The following ARPP21 variants were observed in gnomAD, a reference collection of about 807,000 sequenced individuals.
The protein encoded by ARPP21 is cAMP-regulated phosphoprotein 21.
ARPP21 carries 69 observed loss-of-function variants against 113.2 expected under a neutral mutation model. The ratio of observed to expected loss-of-function variants is 0.61; its 90% CI spans 0.50 to 0.74. The LOEUF (loss-of-function observed/expected upper bound fraction) is 0.74, where lower values mean the gene tolerates loss of function less well. Ranked by LOEUF, ARPP21 falls within the 30% of genes least tolerant of loss-of-function variation. ARPP21 has a pLI of 0.00. For synonymous variants in ARPP21, 368 were observed against 375.5 expected (o/e 0.98, Z 0.23); for missense variants, 1,070 against 1,037.4 (o/e 1.03, Z -0.43).
intron 14 of ARPP21, among the ~76,000 whole-genome samples, chr3:35,725,445 G>T (rs1459600437): frequency 6.6e-6 from 1 of 152,158 alleles, no homozygotes; most frequent in Non-Finnish European, 1.5e-5. Context: ...CCTTACCATT[G>T]CTCACCATTT....
rs10706706 is a variant in ARPP21 at position 35,753,965 on chromosome 3, GTTT to G, written c.2137+10015_2137+10017del. Among the ~76,000 whole-genome samples, 320 of 132,062 alleles carry G rather than the reference GTTT, an allele frequency of 2.4e-3. 1 individual carries two copies. Among genetic ancestry groups the G allele is most frequent in the African/African-American group, 8.6e-3 (307 of 35,812 alleles). 86.6% of individuals were successfully genotyped at this position (132,062 alleles called of 152,430 possible). A position where few individuals can be genotyped will look rare whatever the true frequency, so the allele number is the denominator to read the frequency against. On this transcript the variant is annotated intron_variant, in intron 19 of 20. Transcript: ENST00000684406. ...TGTAATTGTCAATGTAATTGAGAAGGTTTTTTTTTTTTTTTTTCAAATATCGCT... is the reference window on the plus strand; with the variant it reads ...TGTAATTGTCAATGTAATTGAGAAGGTTTTTTTTTTTTTTCAAATATCGCT...
At chr3:35,672,076 T>G (rs1304577243) in intron 1 of ARPP21, among the ~76,000 whole-genome samples, 2 of 152,096 alleles carry the variant, frequency 1.3e-5, no homozygotes, top group African/African-American at 4.8e-5. Flanking sequence ...CAAGAAGACA[T>G]TGAGAAAACC....
At position 35,785,509 on chromosome 3, in the gene ARPP21, T is replaced by TAAAG. The variant is rs5847899; in HGVS notation, c.2138-6845_2138-6842dup. On this transcript the variant is annotated intron_variant, in intron 19 of 20. Transcript: ENST00000684406. ...AATGTGTCTCATGTTTGCCCTGATT[T>TAAAG]AAAGAAAGAAAGAAAGAAAGAAAGA... 9.4e-3 allele frequency among the ~76,000 whole-genome samples: 1,419 copies of TAAAG among 150,448 alleles called. 7 individuals are homozygous for TAAAG. The highest frequency in any genetic ancestry group is 0.017 in the Middle Eastern group (5 of 290).
chr3:35,763,627 C>G (rs2095855979), intron 19 of ARPP21, among the ~76,000 whole-genome samples: 1 of 152,082 alleles, frequency 6.6e-6, no homozygotes, highest in Non-Finnish European at 1.5e-5. Context: ...CCTTTAGCGG[C>G]TATTGTAAAA....
rs2081082998 is a variant in ARPP21, at chr3:35,687,925, C to T, written c.406+42C>T. On this transcript the variant is annotated intron_variant, in intron 6 of 20. Transcript: ENST00000684406. ...TTCCTTAACTTACTCAATTTGGGCA[C>T]ACACATAGTCACAGAACACATTCTA... 2.0e-6 allele frequency: 3 copies of T among 1,535,898 alleles called. No individual in the cohort carries two copies. The African/African-American group carries it at 4.2e-5, about 22-fold the overall frequency.
Position 35,687,435 on chromosome 3 carries a change from T to C in ARPP21, c.262-304T>C, listed in dbSNP as rs2080958743. On this transcript the variant is annotated intron_variant, in intron 5 of 20. Transcript: ENST00000684406. ...CTGATAAAGAAATTTTTTCTAGATG[T>C]TTAAAAATAAACCTGTAGAAAAAAA... Among the ~76,000 whole-genome samples the C allele has an allele frequency of 2.0e-5, 3 of 151,304 alleles. No homozygotes were observed. In the South Asian group the frequency reaches 6.2e-4, roughly 31 times the overall value.
rs953565094 is a variant in ARPP21, at chr3:35,640,099, G to C, written c.-512G>C. 1 of 152,196 alleles carries C rather than the reference G, an allele frequency of 6.6e-6. No homozygotes were observed. The highest frequency in any genetic ancestry group is 1.5e-5 in the Non-Finnish European group (1 of 68,138). 9.4% of individuals were successfully genotyped at this position (152,196 alleles called of 1,614,324 possible). A position where few individuals can be genotyped will look rare whatever the true frequency, so the allele number is the denominator to read the frequency against. On this transcript the variant is annotated 5_prime_UTR_variant, in exon 1 of 21. Coordinates refer to ENST00000684406, the MANE Select transcript of ARPP21 (RefSeq NM_001385562.1). The stretch of plus-strand genomic sequence containing the variant: ...CCGGAGCAGAGACCAGCAGCAGCAG[G>C]GGCAGCGGGGACACAAGCCGCGACC...
chr3:35,713,775 G>A (rs2150134605), intron 11 of ARPP21, among the ~76,000 whole-genome samples: 1 of 152,254 alleles, frequency 6.6e-6, no homozygotes, highest in African/African-American at 2.4e-5. Flanking sequence ...AATGCTATTA[G>A]ATTGAGTCTA....
intron 19 of ARPP21, among the ~76,000 whole-genome samples, chr3:35,761,056 T>C (rs368847005): frequency 5.9e-5 from 9 of 152,124 alleles, no homozygotes; most frequent in African/African-American, 2.2e-4. Context: ...AATATGCCAT[T>C]AATATTTAAG....
chr3:35,762,688 A>G (rs1240916496), intron 19 of ARPP21, among the ~76,000 whole-genome samples: 1 of 152,160 alleles, frequency 6.6e-6, no homozygotes, highest in Non-Finnish European at 1.5e-5. Flanking sequence ...CCCTAAAATA[A>G]CACTAAGTAT....
At chr3:35,728,813 C>T (rs2093739340) in intron 14 of ARPP21, among the ~76,000 whole-genome samples, 1 of 152,170 alleles carries the variant, frequency 6.6e-6, no homozygotes, top group Admixed American at 6.5e-5. Flanking sequence ...CAGACTTCAG[C>T]TGTATAGGTG....
chr3:35,774,160 T>C (rs2096284911), intron 19 of ARPP21, among the ~76,000 whole-genome samples: 1 of 152,192 alleles, frequency 6.6e-6, no homozygotes, highest in Non-Finnish European at 1.5e-5. Flanking sequence ...TGTGCGCCTA[T>C]AGTCCCAGCT....
intron 9 of ARPP21, among the ~76,000 whole-genome samples, chr3:35,706,249 G>A (rs979477225): frequency 4.6e-5 from 7 of 152,282 alleles, no homozygotes; most frequent in African/African-American, 1.7e-4. Context: ...AAATTAACAA[G>A]GAAGTGGAGC....
In ARPP21 at chr3:35,674,190, A is replaced by T. The variant is rs191083136; in HGVS notation, c.-212-5597A>T. On this transcript the variant is annotated intron_variant, in intron 1 of 20. Coordinates refer to ENST00000684406, the MANE Select transcript of ARPP21 (RefSeq NM_001385562.1). ...AAGAGTATCATCATTTCAGAGGATC[A>T]TTTCACGTTTTCATCCCTGAAATAG... Among the ~76,000 whole-genome samples, 278 of 152,110 alleles carry T rather than the reference A, an allele frequency of 1.8e-3. 1 individual carries two copies. The Middle Eastern group carries it at 0.024, about 13-fold the overall frequency.
intron 8 of ARPP21, 75 bp from the exon 9 acceptor site, chr3:35,690,790 G>C: frequency 7.4e-7 from 1 of 1,357,392 alleles, no homozygotes; most frequent in South Asian, 1.4e-5. Context: ...ATAGTTTTGT[G>C]TGTATACTTG....
chr3:35,746,011 G>A lies in ARPP21; in HGVS notation c.2137+2046G>A, dbSNP rs746308533. ...AGTGCCTAGGGTGTCAAGGAAGTGA[G>A]TGCCAGTTAATGTGGCCTGTACAGG... On this transcript the variant is annotated intron_variant, in intron 19 of 20. Coordinates refer to ENST00000684406, the MANE Select transcript of ARPP21 (RefSeq NM_001385562.1). 3.9e-5 allele frequency among the ~76,000 whole-genome samples: 6 copies of A among 152,222 alleles called. No individual in the cohort carries two copies. The South Asian group carries it at 1.2e-3, about 31-fold the overall frequency.
intron 19 of ARPP21, among the ~76,000 whole-genome samples, chr3:35,754,932 C>T (rs757247914): frequency 4.0e-5 from 6 of 151,290 alleles, no homozygotes; most frequent in Admixed American, 6.6e-5. Context: ...AGTCGTTTGG[C>T]GAAAACAGAA....
chr3:35,760,475 C>T (rs949826843), intron 19 of ARPP21, among the ~76,000 whole-genome samples: 2 of 151,802 alleles, frequency 1.3e-5, no homozygotes, highest in African/African-American at 4.8e-5. Flanking sequence ...GGAAGAACCT[C>T]TTTGAAATCA....
At chr3:35,751,699 A>T (rs1315755133) in intron 19 of ARPP21, among the ~76,000 whole-genome samples, 1 of 152,142 alleles carries the variant, frequency 6.6e-6, no homozygotes, top group Non-Finnish European at 1.5e-5. Flanking sequence ...CTAAATGAGG[A>T]AAGTGAGGCT....
Sources: gnomAD v4.1 joint callset for allele counts (sites outside exome capture counted in the v4.1 genomes callset) on GRCh38, gnomAD v4.1.1 for gene constraint, MANE v1.5 for transcripts, NCBI Gene and HGNC (gene_info 2026-07-23, HGNC 2026-07-21) for gene names.